Variants in CSMD1 observed in about 807,000 individuals in gnomAD.
The protein encoded by CSMD1 is CUB and Sushi multiple domains 1.
CSMD1 carries 213 observed loss-of-function variants against 417.5 expected under a neutral mutation model. The ratio of observed to expected loss-of-function variants is 0.51; its 90% CI spans 0.46 to 0.57. The LOEUF is 0.57. CSMD1 is among the 20% of genes least tolerant of loss of function. CSMD1 has a pLI of 0.00. For synonymous variants in CSMD1, 2,862 were observed against 1,736.8 expected (o/e 1.65, Z -16.11); for missense variants, 6,923 against 4,529.7 (o/e 1.53, Z -15.17).
In CSMD1 at chr8:4,006,749, C is replaced by G. The variant is rs188616499; in HGVS notation, c.611-8639G>C. Among the ~76,000 whole-genome samples the G allele has an allele frequency of 3.0e-4, 45 of 151,876 alleles. No homozygotes were observed. The South Asian group carries it at 3.5e-3, about 12-fold the overall frequency. On this transcript the variant is annotated intron_variant, in intron 4 of 69. Coordinates refer to ENST00000635120, the MANE Select transcript of CSMD1 (RefSeq NM_033225.6). Reference sequence around the variant, plus strand: ...AAGTCCAGACTGGAACCAGAAGGAACTCACCACTATTTATTACGGCTTATA... The same window carrying G: ...AAGTCCAGACTGGAACCAGAAGGAAGTCACCACTATTTATTACGGCTTATA...
At chr8:4,193,112 A>G (rs919836231) in intron 3 of CSMD1, among the ~76,000 whole-genome samples, 1 of 152,188 alleles carries the variant, frequency 6.6e-6, no homozygotes, top group Admixed American at 6.5e-5. Context: ...ATTTACTTTG[A>G]ATTCTCTGAG....
intron 2 of CSMD1, 46 bp downstream of exon 2, chr8:4,637,296 T>A: frequency 7.1e-7 from 1 of 1,404,880 alleles, no homozygotes; most frequent in East Asian, 2.3e-5. Flanking sequence ...TCATAATCTG[T>A]GTATTCAAAC....
chr8:4,246,450 G>C (rs955470061), intron 3 of CSMD1, among the ~76,000 whole-genome samples: 8 of 152,032 alleles, frequency 5.3e-5, no homozygotes, highest in African/African-American at 1.7e-4. Flanking sequence ...TTCTTCGTAT[G>C]GTACCTCAAT....
intron 3 of CSMD1, among the ~76,000 whole-genome samples, chr8:4,210,889 A>G (rs557588999): frequency 2.8e-4 from 43 of 152,304 alleles, no homozygotes; most frequent in African/African-American, 9.9e-4. Flanking sequence ...CCCTCAGACC[A>G]TATTTTCTAT....
chr8:3,389,774 T>C (rs976485322), intron 17 of CSMD1, among the ~76,000 whole-genome samples: 10 of 152,220 alleles, frequency 6.6e-5, no homozygotes, highest in East Asian at 1.9e-4. Context: ...AATTAAAATG[T>C]TGAATTATTT....
intron 2 of CSMD1, among the ~76,000 whole-genome samples, chr8:4,634,208 C>A (rs1802699057): frequency 6.6e-6 from 1 of 151,814 alleles, no homozygotes; most frequent in African/African-American, 2.4e-5. Flanking sequence ...AAGAAATAAT[C>A]CAAGATGATA....
intron 1 of CSMD1, among the ~76,000 whole-genome samples, chr8:4,930,186 AC>A (rs1807153448): frequency 6.6e-6 from 1 of 152,156 alleles, no homozygotes; most frequent in African/African-American, 2.4e-5. Flanking sequence ...GCATGGACAG[AC>A]GTTCTCCAAT....
At chr8:4,028,064 G>T (rs928436052) in intron 4 of CSMD1, among the ~76,000 whole-genome samples, 1 of 151,924 alleles carries the variant, frequency 6.6e-6, no homozygotes, top group Admixed American at 6.6e-5. Context: ...CCACTGTTTT[G>T]ACAACATAAA....
At chr8:2,982,599 G>C (rs1319855306) in intron 54 of CSMD1, among the ~76,000 whole-genome samples, 1 of 152,164 alleles carries the variant, frequency 6.6e-6, no homozygotes, top group Non-Finnish European at 1.5e-5. Flanking sequence ...CCCGTGGCAT[G>C]CCTCACACCG....
intron 3 of CSMD1, among the ~76,000 whole-genome samples, chr8:4,215,272 G>A (rs1800595574): frequency 1.3e-5 from 2 of 152,146 alleles, no homozygotes; most frequent in Non-Finnish European, 2.9e-5. Flanking sequence ...GCCAAATGCT[G>A]TACTTTTCAT....
intron 54 of CSMD1, among the ~76,000 whole-genome samples, chr8:2,989,243 C>T (rs1328614584): frequency 3.9e-5 from 6 of 152,132 alleles, no homozygotes. Flanking sequence ...TTTCCTGAAG[C>T]TTCACCATCT....
intron 3 of CSMD1, among the ~76,000 whole-genome samples, chr8:4,037,496 C>G (rs1797680898): frequency 6.6e-6 from 1 of 152,108 alleles, no homozygotes; most frequent in African/African-American, 2.4e-5. Flanking sequence ...TTTTTCTTTA[C>G]CTTAACATCT....
intron 3 of CSMD1, among the ~76,000 whole-genome samples, chr8:4,172,438 G>T (rs998602132): frequency 7.2e-5 from 11 of 152,098 alleles, no homozygotes; most frequent in Middle Eastern, 3.4e-3. Context: ...CATAGTCTAG[G>T]TTTCCCAGGT....
intron 3 of CSMD1, among the ~76,000 whole-genome samples, chr8:4,165,981 A>G (rs775128505): frequency 1.3e-5 from 2 of 152,208 alleles, no homozygotes; most frequent in Non-Finnish European, 2.9e-5. Context: ...AACAATTGAA[A>G]CAAAGTTTGC....
At chr8:4,470,283 C>G (rs888452702) in intron 2 of CSMD1, among the ~76,000 whole-genome samples, 5 of 152,186 alleles carry the variant, frequency 3.3e-5, no homozygotes, top group African/African-American at 4.8e-5. Context: ...CGAGCCTTCT[C>G]CCTCCTCTCC....
rs10087889 is a variant in CSMD1, at chr8:4,724,544, G to C, written c.86-86986C>G. On this transcript the variant is annotated intron_variant, in intron 1 of 69. Coordinates refer to ENST00000635120, the MANE Select transcript of CSMD1 (RefSeq NM_033225.6). ...TATGTGTGTGTGTGTGTGTGTGTGT[G>C]TGTGTGTGTGTGTGTGTGTTTATAC... Among the ~76,000 whole-genome samples the C allele has an allele frequency of 2.7e-3, 261 of 97,260 alleles. 1 individual carries two copies. The highest frequency in any genetic ancestry group is 8.9e-3 in the East Asian group (22 of 2,468). 63.8% of individuals were successfully genotyped at this position (97,260 alleles called of 152,430 possible).
chr8:4,670,774 T>C (rs1186237893), intron 1 of CSMD1, among the ~76,000 whole-genome samples: 1 of 152,116 alleles, frequency 6.6e-6, no homozygotes. Context: ...AAATTTATAA[T>C]ATAAAGAAAA....
chr8:3,672,325 C>G (rs1212311522), intron 7 of CSMD1, among the ~76,000 whole-genome samples: 1 of 148,218 alleles, frequency 6.7e-6, no homozygotes, highest in East Asian at 2.0e-4. Context: ...CTCCCAATGG[C>G]TTCTGACCTT....
At chr8:4,798,524 G>C (rs535680794) in intron 1 of CSMD1, among the ~76,000 whole-genome samples, 5 of 152,128 alleles carry the variant, frequency 3.3e-5, no homozygotes, top group Non-Finnish European at 5.9e-5. Context: ...TGAACAGACA[G>C]GTTAGTATCT....
Sources: allele counts gnomAD v4.1 joint callset (sites outside exome capture counted in the v4.1 genomes callset), GRCh38; gene constraint gnomAD v4.1.1; transcripts MANE v1.5; gene names NCBI Gene and HGNC (gene_info 2026-07-23, HGNC 2026-07-21).